Variants in UBAP1 observed in about 807,000 individuals in gnomAD.
UBAP1 encodes the protein ubiquitin-associated protein 1.
Under a neutral mutation model 39.0 loss-of-function variants are expected in UBAP1, and 5 were observed. The ratio of observed to expected loss-of-function variants is 0.13; its 90% CI spans 0.07 to 0.27. The LOEUF (loss-of-function observed/expected upper bound fraction) is 0.27. Ranked by LOEUF, UBAP1 falls within the 10% of genes least tolerant of loss-of-function variation. UBAP1 has a pLI of 1.00. For synonymous variants in UBAP1, 211 were observed against 225.1 expected (o/e 0.94, Z 0.56); for missense variants, 490 against 608.1 (o/e 0.81, Z 2.04).
intron 1 of UBAP1, among the ~76,000 whole-genome samples, chr9:34,184,903 T>G (rs1830306303): frequency 6.7e-6 from 1 of 148,254 alleles, no homozygotes; most frequent in African/African-American, 2.5e-5. Context: ...ATTACAGGCG[T>G]GCGCCACCGC....
At chr9:34,220,832 CT>C (rs1563907802) in intron 1 of UBAP1, 75 bp from the exon 2 acceptor site, 3 of 1,368,994 alleles carry the variant, frequency 2.2e-6, no homozygotes, top group South Asian at 1.2e-5. Context: ...CTTCTGGTTT[CT>C]TTTTTGTACT....
chr9:34,182,160 G>GTTTGTTTATTTATTTATTTA (rs1554644849), intron 1 of UBAP1, among the ~76,000 whole-genome samples: 2 of 82,858 alleles, frequency 2.4e-5, no homozygotes, highest in African/African-American at 7.2e-5. Context: ...GATCCCTGAC[G>GTTTGTTTATTTATTTATTTA]TTTATTTATT....
intron 1 of UBAP1, among the ~76,000 whole-genome samples, chr9:34,182,193 TTTATTTA>T (rs760557522): frequency 0.23 from 33,375 of 144,994 alleles, 4,939 homozygotes; most frequent in Non-Finnish European, 0.3. Context: ...TATTTATTTA[TTTATTTA>T]TTGAGACTGA....
chr9:34,218,278 A>AAAAAAAAAAAAAAAAAC (rs1832455652), intron 1 of UBAP1, among the ~76,000 whole-genome samples: 1 of 118,568 alleles, frequency 8.4e-6, no homozygotes, highest in African/African-American at 3.2e-5. Flanking sequence ...AAAAAAAAAA[A>AAAAAAAAAAAAAAAAAC]AAAAAAAAAA....
intron 1 of UBAP1, chr9:34,191,576 A>G (rs181309189): frequency 2.4e-4 from 38 of 159,012 alleles, no homozygotes; most frequent in Admixed American, 8.8e-4. Context: ...GCTGTGGTCC[A>G]AGGCCATTTT....
At chr9:34,202,676 T>TGTGTGTGTGTGTGTGTCCCC (rs1554647595) in intron 1 of UBAP1, among the ~76,000 whole-genome samples, 8 of 143,132 alleles carry the variant, frequency 5.6e-5, no homozygotes, top group South Asian at 2.2e-4. Context: ...TGTGTGTGTG[T>TGTGTGTGTGTGTGTGTCCCC]GTCCCCGTCC....
intron 1 of UBAP1, among the ~76,000 whole-genome samples, chr9:34,215,513 TGG>T (rs1832256586): frequency 6.2e-5 from 8 of 129,274 alleles, no homozygotes; most frequent in Non-Finnish European, 1.1e-4. Flanking sequence ...AATGATACAG[TGG>T]ACTTTGGTGA....
intron 4 of UBAP1, among the ~76,000 whole-genome samples, chr9:34,249,262 C>T (rs1295880757): frequency 6.6e-6 from 1 of 152,142 alleles, no homozygotes; most frequent in Non-Finnish European, 1.5e-5. Context: ...CTAAGCTGTC[C>T]ATGCATGGGA....
chr9:34,228,380 T>G (rs1279496044), intron 2 of UBAP1, among the ~76,000 whole-genome samples: 2 of 142,128 alleles, frequency 1.4e-5, no homozygotes, highest in Admixed American at 1.5e-4. Flanking sequence ...ATTGTGCCAC[T>G]GCACTCCAGC....
At chr9:34,223,283 A>G (rs1285533508) in intron 2 of UBAP1, among the ~76,000 whole-genome samples, 1 of 151,986 alleles carries the variant, frequency 6.6e-6, no homozygotes, top group Non-Finnish European at 1.5e-5. Flanking sequence ...ATACAAAATT[A>G]GCCGGGTGTA....
chr9:34,226,485 C>T (rs995500983), intron 2 of UBAP1, among the ~76,000 whole-genome samples: 5 of 152,106 alleles, frequency 3.3e-5, no homozygotes, highest in African/African-American at 1.2e-4. Flanking sequence ...GATCCACCTG[C>T]GTCTGCGTCC....
chr9:34,242,025 G>C lies in UBAP1; in HGVS notation c.1000G>C (p.Ala334Pro). ...CTTGGACAGTGGCACAGAGATGCCA[G>C]CCCTGACATCCTCCCAGATGCCTTC... ...LNLDSGTEMP[A>P]LTSSQMPSLS... The change falls in exon 4 of 7, where the codon GCC becomes CCC. Residue 334 changes from alanine to proline, a missense_variant. Around this residue, in one of 3 missense-constraint regions of UBAP1, gnomAD observed 339 missense variants for 390.0 expected, o/e 0.87. Transcript: ENST00000297661. 1 of 1,614,190 alleles carries C rather than the reference G, an allele frequency of 6.2e-7. No individual in the cohort carries two copies. The highest frequency in any genetic ancestry group is 8.5e-7 in the Non-Finnish European group (1 of 1,180,024).
At chr9:34,247,634 G>C (rs569378452) in intron 4 of UBAP1, among the ~76,000 whole-genome samples, 1 of 152,032 alleles carries the variant, frequency 6.6e-6, no homozygotes, top group East Asian at 1.9e-4. Context: ...GTGTTGGTCA[G>C]GCTGGTCTTG....
chr9:34,214,481 A>T lies in UBAP1; in HGVS notation c.-7-6427A>T, dbSNP rs143975788. ...TGGCTGGCCATATGTAGGACAATGA[A>T]ACTGGATCCTATACAAGATAGATTA... On this transcript the variant is annotated intron_variant, in intron 1 of 6. Coordinates refer to ENST00000297661, the MANE Select transcript of UBAP1 (RefSeq NM_016525.5). Among the ~76,000 whole-genome samples, 672 of 152,272 alleles carry T rather than the reference A, an allele frequency of 4.4e-3. 22 individuals carry two copies. Among genetic ancestry groups the T allele is most frequent in the Admixed American group, 0.039 (599 of 15,284 alleles).
chr9:34,228,638 T>G (rs534451749), intron 2 of UBAP1, among the ~76,000 whole-genome samples: 2 of 148,930 alleles, frequency 1.3e-5, no homozygotes, highest in Admixed American at 1.3e-4. Flanking sequence ...GGCGTGATTT[T>G]CGCTCACTGC....
At position 34,227,285 on chromosome 9, in the gene UBAP1, A is replaced by T. The variant is rs997924182; in HGVS notation, c.34+6337A>T. ...GTGTTACCTGGCTTGTGGCTTTAAG[A>T]TAGTTTTTTTTGTTTTATTTATTTA... On this transcript the variant is annotated intron_variant, in intron 2 of 6. Coordinates refer to ENST00000297661, the MANE Select transcript of UBAP1 (RefSeq NM_016525.5). Among the ~76,000 whole-genome samples the T allele has an allele frequency of 2.0e-5, 3 of 151,950 alleles. No individual in the cohort carries two copies. The South Asian group carries it at 6.2e-4, about 31-fold the overall frequency.
intron 1 of UBAP1, among the ~76,000 whole-genome samples, chr9:34,181,290 AT>A: frequency 7.0e-6 from 1 of 142,050 alleles, no homozygotes; most frequent in Non-Finnish European, 1.5e-5. Context: ...TTTTTAAAAT[AT>A]TTTTTTAGTA....
intron 1 of UBAP1, among the ~76,000 whole-genome samples, chr9:34,208,462 G>A (rs1831833173): frequency 1.3e-5 from 2 of 151,798 alleles, no homozygotes; most frequent in African/African-American, 2.4e-5. Flanking sequence ...AGCCACCATG[G>A]TGAAACCCTG....
intron 1 of UBAP1, among the ~76,000 whole-genome samples, chr9:34,200,113 A>C (rs967087277): frequency 6.6e-6 from 1 of 151,922 alleles, no homozygotes; most frequent in Non-Finnish European, 1.5e-5. Context: ...TCAGGTCCTC[A>C]ATTTGGTTTT....
Sources: allele counts gnomAD v4.1 joint callset (sites outside exome capture counted in the v4.1 genomes callset), GRCh38; gene constraint gnomAD v4.1.1; regional missense constraint gnomAD v4.1.1; transcripts MANE v1.5; gene names NCBI Gene and HGNC (gene_info 2026-07-23, HGNC 2026-07-21).